Variants in THSD4 observed in about 807,000 individuals in gnomAD.
THSD4 encodes the protein thrombospondin type 1 domain containing 4.
A neutral mutation model predicts 119.0 loss-of-function variants in THSD4; 69 were observed. The observed-to-expected ratio is 0.58, with a 90% CI of 0.48 to 0.71. The LOEUF (loss-of-function observed/expected upper bound fraction) is 0.71, where lower values mean the gene tolerates loss of function less well. THSD4 is among the 30% of genes least tolerant of loss of function. The pLI, the probability that THSD4 is intolerant of heterozygous loss-of-function variation, is 0.00. For missense variants in THSD4, 1,393 were observed against 1,391.1 expected (o/e 1.00, Z -0.02); for synonymous variants, 524 against 540.4 (o/e 0.97, Z 0.42).
intron 6 of THSD4, among the ~76,000 whole-genome samples, chr15:71,346,644 A>T (rs2045664542): frequency 6.6e-6 from 1 of 151,948 alleles, no homozygotes; most frequent in Non-Finnish European, 1.5e-5. Context: ...TTTTTTTTGG[A>T]GAATAGTATT....
intron 10 of THSD4, chr15:71,732,217 G>T (rs1447003334): frequency 6.6e-6 from 1 of 152,252 alleles, no homozygotes; most frequent in East Asian, 1.9e-4. Context: ...CAGGGATTAG[G>T]ATGTGGACAT....
rs1276104564 is a variant in THSD4, at chr15:71,661,788, A to G, written c.1357+1054A>G. Among the ~76,000 whole-genome samples, 11 of 152,294 alleles carry G rather than the reference A, an allele frequency of 7.2e-5. No individual in the cohort carries two copies. The East Asian group carries it at 1.9e-3, about 27-fold the overall frequency. On this transcript the variant is annotated intron_variant, in intron 8 of 17. Coordinates refer to ENST00000261862, the MANE Select transcript of THSD4 (RefSeq NM_024817.3). ...GGAGCCATTTGTTTAATGAATAGCT[A>G]TATTCATTTTTATCTTTTAATTATT...
chr15:71,672,362 T>C (rs1458548371), intron 8 of THSD4, among the ~76,000 whole-genome samples: 29 of 152,202 alleles, frequency 1.9e-4, no homozygotes, highest in Non-Finnish European at 1.5e-5. Context: ...GCTGAAGTTG[T>C]TTATCAGCTT....
chr15:71,253,345 T>G (rs1178669322), intron 5 of THSD4, among the ~76,000 whole-genome samples: 1 of 152,058 alleles, frequency 6.6e-6, no homozygotes, highest in African/African-American at 2.4e-5. Flanking sequence ...GATTATAAAC[T>G]GCAAAGATGT....
intron 7 of THSD4, among the ~76,000 whole-genome samples, chr15:71,508,817 T>G (rs1052985383): frequency 1.1e-4 from 16 of 150,508 alleles, no homozygotes; most frequent in African/African-American, 3.9e-4. Context: ...ATTACAAAAA[T>G]TCTGTGTAAG....
intron 7 of THSD4, among the ~76,000 whole-genome samples, chr15:71,518,706 C>T (rs368131543): frequency 6.6e-5 from 10 of 152,222 alleles, no homozygotes; most frequent in African/African-American, 2.4e-4. Flanking sequence ...ATTTGAGTCT[C>T]AGAGAGGCGA....
intron 7 of THSD4, among the ~76,000 whole-genome samples, chr15:71,543,100 G>A (rs568029267): frequency 1.3e-5 from 2 of 152,270 alleles, no homozygotes; most frequent in South Asian, 4.1e-4. Context: ...CTGGGGAAAT[G>A]TGAGTCTGTA....
chr15:71,644,915 C>T (rs1008158419), intron 7 of THSD4, among the ~76,000 whole-genome samples: 35 of 138,640 alleles, frequency 2.5e-4, no homozygotes, highest in Non-Finnish European at 5.2e-4. Context: ...GCGGCAATAA[C>T]GGTTCAAAAT....
chr15:71,109,729 GA>G (rs1377694363), intron 1 of THSD4, among the ~76,000 whole-genome samples: 1 of 125,400 alleles, frequency 8.0e-6, no homozygotes, highest in Non-Finnish European at 1.7e-5. Flanking sequence ...AACACTAAAA[GA>G]GAAAAAAAAA....
At chr15:71,630,562 A>T (rs1242672182) in intron 7 of THSD4, among the ~76,000 whole-genome samples, 1 of 152,200 alleles carries the variant, frequency 6.6e-6, no homozygotes, top group African/African-American at 2.4e-5. Flanking sequence ...GAAGACAGAG[A>T]AAGGTTTTTC....
At chr15:71,579,242 C>A (rs1226247992) in intron 7 of THSD4, among the ~76,000 whole-genome samples, 2 of 152,158 alleles carry the variant, frequency 1.3e-5, no homozygotes, top group African/African-American at 4.8e-5. Flanking sequence ...TACTTTACTT[C>A]TTTTGTATTC....
intron 17 of THSD4, among the ~76,000 whole-genome samples, chr15:71,776,722 T>C (rs2053920275): frequency 6.6e-6 from 1 of 152,138 alleles, no homozygotes; most frequent in Non-Finnish European, 1.5e-5. Context: ...CCAACTTAAA[T>C]GTCCATCAAT....
At position 71,215,065 on chromosome 15, in the gene THSD4, C is replaced by T. The variant is rs1442528962; in HGVS notation, c.130C>T (p.Pro44Ser). ...GCAGCGGATGGCGGCGGAGGGCGCC[C>T]CCGAGGACGACGGCGGCGGCGGCGC... ...VPQRMAAEGA[P>S]EDDGGGGAPG... Residue 44 changes from proline (P) to serine (S), a missense_variant, in exon 4 of 18, where the codon CCC becomes TCC. Coordinates refer to ENST00000261862, the MANE Select transcript of THSD4 (RefSeq NM_024817.3). 7.7e-7 allele frequency: 1 copy of T among 1,296,938 alleles called. No homozygotes were observed. Among genetic ancestry groups the T allele is most frequent in the African/African-American group, 1.6e-5 (1 of 64,368 alleles). 80.3% of individuals were successfully genotyped at this position (1,296,938 alleles called of 1,614,324 possible). A position where few individuals can be genotyped will look rare whatever the true frequency, so the allele number is the denominator to read the frequency against.
At chr15:71,574,326 C>T (rs2049410078) in intron 7 of THSD4, among the ~76,000 whole-genome samples, 1 of 152,162 alleles carries the variant, frequency 6.6e-6, no homozygotes, top group Non-Finnish European at 1.5e-5. Context: ...TATTGTCATC[C>T]CCTTTTGCTG....
rs534259475 is a variant in THSD4 at position 71,384,608 on chromosome 15, C to A, written c.1016-27079C>A. 2.6e-5 allele frequency among the ~76,000 whole-genome samples: 4 copies of A among 152,206 alleles called. No homozygotes were observed. The South Asian group carries it at 8.3e-4, about 32-fold the overall frequency. ...TTTTTATTTGCCTTTTGCAAATAGT[C>A]TTTTAAAAGAGGCAATAAAATTTTT... is the stretch of plus-strand genomic sequence containing the variant. On this transcript the variant is annotated intron_variant, in intron 6 of 17. Transcript: ENST00000261862.
At position 71,368,254 on chromosome 15, in the gene THSD4, T is replaced by G. The variant is rs531645713; in HGVS notation, c.1016-43433T>G. On this transcript the variant is annotated intron_variant, in intron 6 of 17. Transcript: ENST00000261862. ...TAGGTTGCCTGTTCACTCTGATGGT[T>G]GTTTCTTTTGCTGTGCAGAAGCTCT... 4.6e-5 allele frequency among the ~76,000 whole-genome samples: 7 copies of G among 152,230 alleles called. No individual in the cohort carries two copies. In the South Asian group the frequency reaches 1.5e-3, roughly 32 times the overall value.
In THSD4 at chr15:71,782,801, A is replaced by T. The variant is rs1459337630; in HGVS notation, c.*5427A>T. On this transcript the variant is annotated 3_prime_UTR_variant, in exon 18 of 18. Transcript: ENST00000261862. ...GCTACTTTTTCATCTTAAATATTAT[A>T]TTTCCTCATCTAATCTGCCTTCCCC... 2 of 152,148 alleles carry T rather than the reference A, an allele frequency of 1.3e-5. No individual in the cohort carries two copies. Among genetic ancestry groups the T allele is most frequent in the Non-Finnish European group, 2.9e-5 (2 of 68,038 alleles). 9.4% of individuals were successfully genotyped at this position (152,148 alleles called of 1,614,324 possible). A position where few individuals can be genotyped will look rare whatever the true frequency, so the allele number is the denominator to read the frequency against.
chr15:71,195,092 C>T (rs1368121184), intron 3 of THSD4, among the ~76,000 whole-genome samples: 1 of 152,122 alleles, frequency 6.6e-6, no homozygotes, highest in South Asian at 2.1e-4. Flanking sequence ...ATGGGCAAGG[C>T]CTCGTGTTAA....
intron 3 of THSD4, among the ~76,000 whole-genome samples, chr15:71,172,727 A>ATG (rs1297124558): frequency 9.5e-6 from 1 of 105,078 alleles, no homozygotes; most frequent in East Asian, 2.6e-4. Flanking sequence ...ATATATATAT[A>ATG]TATATATGTG....
Sources: gnomAD v4.1 joint callset for allele counts (sites outside exome capture counted in the v4.1 genomes callset) on GRCh38, gnomAD v4.1.1 for gene constraint, MANE v1.5 for transcripts, NCBI Gene and HGNC (gene_info 2026-07-23, HGNC 2026-07-21) for gene names.